The following FGFR2 variants were observed in gnomAD, a reference collection of about 807,000 sequenced individuals.
FGFR2 encodes BEK fibroblast growth factor receptor.
In FGFR2, 19 loss-of-function variants were observed where a neutral mutation model predicts 95.9. The observed-to-expected ratio is 0.20, with a 90% CI of 0.14 to 0.29. FGFR2 has a LOEUF of 0.29. Among genes scored for constraint, FGFR2 ranks in the 10% least tolerant of loss-of-function variants. FGFR2 has a pLI of 1.00. For missense variants in FGFR2, 707 were observed against 1,056.9 expected (o/e 0.67, Z 4.59); for synonymous variants, 392 against 393.3 (o/e 1.00, Z 0.04).
chr10:121,579,742 A>G (rs1863742), intron 2 of FGFR2, among the ~76,000 whole-genome samples: 151,515 of 152,294 alleles, frequency 0.99, 75,374 homozygotes, highest in Middle Eastern at 1. Context: ...CAGCATGCCG[A>G]GAATAACCCT....
At chr10:121,571,990 TGA>T (rs1476681010) in intron 2 of FGFR2, among the ~76,000 whole-genome samples, 2 of 150,174 alleles carry the variant, frequency 1.3e-5, no homozygotes, top group African/African-American at 4.9e-5. Flanking sequence ...ACTTTAAAAA[TGA>T]GAGAGACAGG....
chr10:121,516,288 A>G (rs554472586), intron 8 of FGFR2, among the ~76,000 whole-genome samples: 1 of 152,336 alleles, frequency 6.6e-6, no homozygotes. Context: ...AAGCTTCAAC[A>G]TAAGAGACAT....
intron 11 of FGFR2, among the ~76,000 whole-genome samples, chr10:121,500,057 G>A (rs1466860099): frequency 6.6e-6 from 1 of 152,064 alleles, no homozygotes; most frequent in African/African-American, 2.4e-5. Flanking sequence ...GGAAACACTC[G>A]GCATGGGATC....
intron 2 of FGFR2, among the ~76,000 whole-genome samples, chr10:121,574,054 G>GTCC (rs2135255679): frequency 6.6e-6 from 1 of 152,308 alleles, no homozygotes; most frequent in Admixed American, 6.5e-5. Flanking sequence ...TCTGGAAGAT[G>GTCC]TCCTGTAGTG....
In FGFR2 at chr10:121,518,546, G is replaced by C; in HGVS notation, c.940-1083C>G. On this transcript the variant is annotated intron_variant, in intron 7 of 17. Coordinates refer to ENST00000358487, the MANE Select transcript of FGFR2 (RefSeq NM_000141.5). This position sits in a 1 kb window ranked among gnomAD's most constrained non-coding sequence, Gnocchi z 4.0. ...GCATCATACCAGCTGCATCACCGAA[G>C]AAAGATTATTATAAATATACCAAGG... The C allele has an allele frequency of 1.0e-6, 1 of 987,024 alleles. No homozygotes were observed. The highest frequency in any genetic ancestry group is 1.5e-6 in the Non-Finnish European group (1 of 675,066). The allele number at this position is 987,024 out of a possible 1,614,324, so 61.1% of individuals were successfully genotyped here. A position where few individuals can be genotyped will look rare whatever the true frequency, so the allele number is the denominator to read the frequency against.
chr10:121,496,398 C>T, intron 13 of FGFR2, 134 bp downstream of exon 13: 1 of 913,448 alleles, frequency 1.1e-6, no homozygotes, highest in South Asian at 1.3e-5. Context: ...GGGAATAACG[C>T]AATAAATATT....
At chr10:121,581,147 G>A (rs576888631) in intron 2 of FGFR2, among the ~76,000 whole-genome samples, 3 of 152,332 alleles carry the variant, frequency 2.0e-5, no homozygotes, top group East Asian at 3.9e-4. Context: ...CCTGGAGGCC[G>A]CCGGGATGCC....
At chr10:121,510,263 C>T (rs549506408) in intron 9 of FGFR2, among the ~76,000 whole-genome samples, 17 of 152,308 alleles carry the variant, frequency 1.1e-4, no homozygotes, top group South Asian at 4.1e-4. Context: ...AGAGCCATGA[C>T]GCACCAGCCC....
At chr10:121,555,530 A>T (rs1302416871) in intron 4 of FGFR2, among the ~76,000 whole-genome samples, 1 of 152,198 alleles carries the variant, frequency 6.6e-6, no homozygotes. Flanking sequence ...ATTCAAAATG[A>T]ATGACACTAA....
Position 121,588,153 on chromosome 10 carries a change from T to C in FGFR2, c.109+5556A>G, listed in dbSNP as rs145602094. On this transcript the variant is annotated intron_variant, in intron 2 of 17. Coordinates refer to ENST00000358487, the MANE Select transcript of FGFR2 (RefSeq NM_000141.5). ...AATAAACCAAATACAGAAAACCAAA[T>C]ACTGCATATTCTCATTTATAAGTGG... Among the ~76,000 whole-genome samples the C allele has an allele frequency of 3.5e-3, 526 of 151,920 alleles. 3 individuals are homozygous for C. The highest frequency in any genetic ancestry group is 0.012 in the African/African-American group (479 of 41,444).
At chr10:121,552,165 G>T (rs1486701021) in intron 4 of FGFR2, among the ~76,000 whole-genome samples, 1 of 152,124 alleles carries the variant, frequency 6.6e-6, no homozygotes. Context: ...TAAATGATAT[G>T]TTAAAGTTAT....
intron 5 of FGFR2, among the ~76,000 whole-genome samples, chr10:121,548,245 C>CGTTTTTT (rs1854827612): frequency 2.1e-5 from 1 of 46,668 alleles, no homozygotes; most frequent in Non-Finnish European, 4.1e-5. Context: ...CGCTTTTGGC[C>CGTTTTTT]TTTTTTTTTT....
rs751731391 is a variant in FGFR2 at position 121,500,901 on chromosome 10, C to T, written c.1486G>A (p.Val496Ile). ...TCAATTCCCACTGCTTCCGCCATGA[C>T]CACTTGCCCAAAGCAACCTTCTCCC... is the stretch of plus-strand genomic sequence containing the variant. ...PLGEGCFGQV[V>I]MAEAVGIDKD... The change falls in exon 11 of 18, where the codon GTC becomes ATC. Residue 496 changes from valine (V) to isoleucine (I), a missense_variant. Val to Ile is a conservative substitution (Grantham distance 29). Around this residue, in one of 7 missense-constraint regions of FGFR2, gnomAD observed 194 missense variants for 267.3 expected, o/e 0.73. Transcript: ENST00000358487. The T allele has an allele frequency of 4.3e-6, 7 of 1,614,112 alleles. No individual in the cohort carries two copies. The Admixed American group carries it at 8.3e-5, about 19-fold the overall frequency.
chr10:121,524,227 C>G (rs1316439861), intron 6 of FGFR2, among the ~76,000 whole-genome samples: 1 of 151,568 alleles, frequency 6.6e-6, no homozygotes, highest in Non-Finnish European at 1.5e-5. Flanking sequence ...GTCTTGAATT[C>G]ATCTTTTCAA....
At chr10:121,587,221 T>C (rs1026442199) in intron 2 of FGFR2, among the ~76,000 whole-genome samples, 1 of 152,200 alleles carries the variant, frequency 6.6e-6, no homozygotes, top group Admixed American at 6.5e-5. Flanking sequence ...AGATTGAAGC[T>C]GACCCCTTCC....
chr10:121,591,351 C>T (rs531848239), intron 2 of FGFR2, among the ~76,000 whole-genome samples: 2 of 152,352 alleles, frequency 1.3e-5, no homozygotes, highest in East Asian at 1.9e-4. Context: ...AGCCAGCCCA[C>T]GGGACTGGGA....
intron 4 of FGFR2, among the ~76,000 whole-genome samples, chr10:121,554,176 G>A (rs1403784266): frequency 6.6e-6 from 1 of 152,014 alleles, no homozygotes; most frequent in African/African-American, 2.4e-5. Context: ...AAGGTTGGGG[G>A]CCACCATAAA....
At chr10:121,582,477 G>C (rs1016663724) in intron 2 of FGFR2, among the ~76,000 whole-genome samples, 1 of 152,172 alleles carries the variant, frequency 6.6e-6, no homozygotes, top group Non-Finnish European at 1.5e-5. Flanking sequence ...AAATTTAAGA[G>C]GGAAATTTGC....
chr10:121,560,945 C>G (rs978314491), intron 4 of FGFR2, among the ~76,000 whole-genome samples: 1 of 152,134 alleles, frequency 6.6e-6, no homozygotes, highest in African/African-American at 2.4e-5. Context: ...GCTGATGCTG[C>G]TGGTCCAGGA....
Sources: gnomAD v4.1 joint callset for allele counts (sites outside exome capture counted in the v4.1 genomes callset) on GRCh38, gnomAD v4.1.1 for gene constraint, gnomAD v4.1.1 regional missense constraint, Gnocchi (gnomAD v3.1) non-coding constraint, MANE v1.5 for transcripts, NCBI Gene and HGNC (gene_info 2026-07-23, HGNC 2026-07-21) for gene names.